The following MARCHF1 variants were observed in gnomAD, a reference collection of about 807,000 sequenced individuals.
The protein encoded by MARCHF1 is E3 ubiquitin-protein ligase MARCHF1.
MARCHF1 carries 40 observed loss-of-function variants against 54.2 expected under a neutral mutation model. The observed-to-expected ratio is 0.74, with a 90% confidence interval of 0.57 to 0.96. MARCHF1 has a LOEUF of 0.96. Ranked by LOEUF, MARCHF1 falls within the 40% of genes least tolerant of loss-of-function variation. MARCHF1 has a pLI of 0.00. For missense variants in MARCHF1, 586 were observed against 656.5 expected (o/e 0.89, Z 1.17); for synonymous variants, 236 against 236.3 (o/e 1.00, Z 0.01).
At chr4:163,529,702 T>C (rs76358180) in intron 9 of MARCHF1, 2,899 of 152,214 alleles carry the variant, frequency 0.019, 40 homozygotes, top group Non-Finnish European at 0.028. Flanking sequence ...GATGTCTATA[T>C]TTTCTCTTAA....
intron 3 of MARCHF1, among the ~76,000 whole-genome samples, chr4:163,907,435 CAT>C (rs1403211068): frequency 6.6e-6 from 1 of 151,984 alleles, no homozygotes; most frequent in African/African-American, 2.4e-5. Context: ...TGAAGGAAAA[CAT>C]AGGTTAGAAG....
intron 4 of MARCHF1, among the ~76,000 whole-genome samples, chr4:163,772,119 T>A (rs1257897727): frequency 6.6e-6 from 1 of 152,156 alleles, no homozygotes; most frequent in Admixed American, 6.5e-5. Flanking sequence ...ACAACATCTC[T>A]GGCTTTTACA....
intron 1 of MARCHF1, among the ~76,000 whole-genome samples, chr4:164,220,879 A>T (rs1439328295): frequency 2.0e-5 from 3 of 151,378 alleles, no homozygotes; most frequent in African/African-American, 7.3e-5. Flanking sequence ...TTTATTTAAA[A>T]AAACAAAACA....
At chr4:163,573,610 A>C (rs537922040) in intron 8 of MARCHF1, among the ~76,000 whole-genome samples, 2 of 151,352 alleles carry the variant, frequency 1.3e-5, no homozygotes, top group African/African-American at 4.9e-5. Context: ...ATGATTTCCA[A>C]CTTCATCCAT....
At chr4:164,148,819 A>G (rs985005277) in intron 1 of MARCHF1, among the ~76,000 whole-genome samples, 1 of 152,016 alleles carries the variant, frequency 6.6e-6, no homozygotes, top group African/African-American at 2.4e-5. Context: ...TCAACCACCC[A>G]TAACAATTAA....
chr4:164,176,840 TG>T (rs1730675808), intron 1 of MARCHF1, among the ~76,000 whole-genome samples: 1 of 151,616 alleles, frequency 6.6e-6, no homozygotes, highest in South Asian at 2.1e-4. Flanking sequence ...CAACTCACTC[TG>T]TGAATAACCA....
At chr4:164,121,199 C>CA (rs1756058624) in intron 1 of MARCHF1, among the ~76,000 whole-genome samples, 1 of 151,916 alleles carries the variant, frequency 6.6e-6, no homozygotes, top group African/African-American at 2.4e-5. Context: ...AATTATCTGC[C>CA]AAAAATTGGA....
intron 1 of MARCHF1, among the ~76,000 whole-genome samples, chr4:164,381,875 G>A (rs545545061): frequency 6.6e-6 from 1 of 152,222 alleles, no homozygotes; most frequent in South Asian, 2.1e-4. Flanking sequence ...GATAAAACAG[G>A]TGGAGCCTAT....
At chr4:164,127,229 C>A (rs1292799671) in intron 1 of MARCHF1, among the ~76,000 whole-genome samples, 1 of 152,094 alleles carries the variant, frequency 6.6e-6, no homozygotes, top group East Asian at 1.9e-4. Flanking sequence ...CTGATATTTA[C>A]CTGAAGCTGC....
chr4:164,241,683 G>A (rs1732758248), intron 1 of MARCHF1, among the ~76,000 whole-genome samples: 1 of 152,220 alleles, frequency 6.6e-6, no homozygotes, highest in Non-Finnish European at 1.5e-5. Context: ...CTACGCAGAA[G>A]ACGGGTGATT....
chr4:164,102,834 G>A (rs1163391712), intron 2 of MARCHF1, among the ~76,000 whole-genome samples: 1 of 122,694 alleles, frequency 8.2e-6, no homozygotes, highest in Non-Finnish European at 1.7e-5. Flanking sequence ...TGGATAAAGA[G>A]TCAAGACCCA....
intron 4 of MARCHF1, among the ~76,000 whole-genome samples, chr4:163,843,346 G>C (rs1451980043): frequency 6.6e-6 from 1 of 151,974 alleles, no homozygotes; most frequent in Admixed American, 6.6e-5. Context: ...GTGTTTTTTG[G>C]TAGTACACTT....
intron 5 of MARCHF1, among the ~76,000 whole-genome samples, chr4:163,654,147 T>C (rs1427267874): frequency 6.6e-6 from 1 of 151,696 alleles, no homozygotes. Flanking sequence ...GTTAAATATA[T>C]GGTGACATAA....
At position 164,036,014 on chromosome 4, in the gene MARCHF1, A is replaced by C. The variant is rs202097111; in HGVS notation, c.-247-47305T>G. The stretch of plus-strand genomic sequence containing the variant: ...GCTACTCAGGAGGCTGAGGCAGGAT[A>C]ATTGATTGAATGTGAGAGGCAGAGG... On this transcript the variant is annotated intron_variant, in intron 2 of 9. Transcript: ENST00000514618. Among the ~76,000 whole-genome samples the C allele has an allele frequency of 3.3e-5, 5 of 150,716 alleles. No homozygotes were observed. The East Asian group carries it at 7.8e-4, about 23-fold the overall frequency.
chr4:164,072,426 T>G (rs932070249), intron 2 of MARCHF1, among the ~76,000 whole-genome samples: 28 of 152,066 alleles, frequency 1.8e-4, no homozygotes, highest in African/African-American at 6.5e-4. Flanking sequence ...CTGGGTGTGG[T>G]GGTGTGTGTC....
rs571651107 is a variant in MARCHF1 at position 163,962,917 on chromosome 4, A to G, written c.-39+25584T>C. The stretch of plus-strand genomic sequence containing the variant: ...GACATGACATCTGGCTTGATCCCAT[A>G]ACGTAAGTACTCTGAACAACAGAGC... On this transcript the variant is annotated intron_variant, in intron 3 of 9. Coordinates refer to ENST00000514618, the MANE Select transcript of MARCHF1 (RefSeq NM_001394959.1). 2.0e-5 allele frequency among the ~76,000 whole-genome samples: 3 copies of G among 152,000 alleles called. No individual in the cohort carries two copies. The East Asian group carries it at 5.8e-4, about 29-fold the overall frequency.
chr4:164,310,082 A>G (rs969500877), intron 1 of MARCHF1, among the ~76,000 whole-genome samples: 1 of 150,982 alleles, frequency 6.6e-6, no homozygotes, highest in Non-Finnish European at 1.5e-5. Flanking sequence ...TTTAATTTTT[A>G]TTTATTTATT....
chr4:163,700,757 A>G (rs1744787171), intron 5 of MARCHF1, 56 bp downstream of exon 5: 1 of 1,234,494 alleles, frequency 8.1e-7, no homozygotes, highest in East Asian at 2.5e-5. Flanking sequence ...ATAAACATTT[A>G]TGTGAACTCA....
intron 3 of MARCHF1, among the ~76,000 whole-genome samples, chr4:163,985,676 C>T (rs1752848645): frequency 6.6e-6 from 1 of 152,068 alleles, no homozygotes; most frequent in Admixed American, 6.6e-5. Context: ...TTAAGAGTCA[C>T]TAAATTTTGA....
Sources: allele counts gnomAD v4.1 joint callset (sites outside exome capture counted in the v4.1 genomes callset), GRCh38; gene constraint gnomAD v4.1.1; transcripts MANE v1.5; gene names NCBI Gene and HGNC (gene_info 2026-07-23, HGNC 2026-07-21).